Variants in SCUBE2 observed in about 807,000 individuals in gnomAD.
The protein encoded by SCUBE2 is signal peptide, CUB domain and EGF like domain containing 2, also known as signal peptide, CUB and EGF-like domain-containing protein 2.
In SCUBE2, 114 loss-of-function variants were observed where a neutral mutation model predicts 125.9. That is an observed-to-expected ratio of 0.91 (90% CI 0.78 to 1.06). SCUBE2 has a LOEUF of 1.06. SCUBE2 is among the 50% of genes least tolerant of loss of function. SCUBE2 has a pLI of 0.00. For missense variants in SCUBE2, 1,255 were observed against 1,301.8 expected, an observed-to-expected ratio of 0.96 and a Z score of 0.55; for synonymous variants, 459 against 492.9, an observed-to-expected ratio of 0.93 and a Z score of 0.91.
chr11:9,054,701 G>GTGTATATATATATATATATATA (rs1303442592), intron 10 of SCUBE2, among the ~76,000 whole-genome samples: 3 of 51,080 alleles, frequency 5.9e-5, no homozygotes, highest in East Asian at 1.4e-3. Flanking sequence ...AAGCACTAGT[G>GTGTATATATATATATATATATA]TATATATATA....
chr11:9,076,863 C>T (rs1015758285), intron 3 of SCUBE2, among the ~76,000 whole-genome samples: 3 of 152,174 alleles, frequency 2.0e-5, no homozygotes, highest in Admixed American at 2.0e-4. Flanking sequence ...GTGAAGGAAG[C>T]ACATTCCAGA....
At chr11:9,053,347 C>A (rs1858632629) in intron 11 of SCUBE2, 132 bp from the exon 12 acceptor site, 1 of 793,434 alleles carries the variant, frequency 1.3e-6, no homozygotes, top group Non-Finnish European at 2.0e-6. Flanking sequence ...AACATAGATG[C>A]TAGGCCTTAT....
chr11:9,044,138 T>C (rs886759223), intron 16 of SCUBE2, among the ~76,000 whole-genome samples: 3 of 152,234 alleles, frequency 2.0e-5, no homozygotes, highest in Admixed American at 2.0e-4. Flanking sequence ...TTCAAACAAA[T>C]ACAGCCTGGG....
At chr11:9,022,670 G>C (rs867909082) in intron 21 of SCUBE2, 1 of 152,450 alleles carries the variant, frequency 6.6e-6, no homozygotes, top group Admixed American at 6.6e-5. Context: ...TCTTCACTGA[G>C]CTTCCAGGAC....
chr11:9,091,599 C>T lies in SCUBE2; in HGVS notation c.-71G>A, dbSNP rs7126036. On this transcript the variant is annotated 5_prime_UTR_variant, in exon 1 of 23. Coordinates refer to ENST00000649792, the MANE Select transcript of SCUBE2 (RefSeq NM_001367977.2). The surrounding 1 kb of genome is among the most constrained non-coding windows in gnomAD (Gnocchi z 8.5). ...GGCGGCGGCGGCGCGGGGAGGTGTG[C>T]GCGGACGCCCTGCCCGCTGCCGCTG... is the stretch of plus-strand genomic sequence containing the variant. The T allele has an allele frequency of 0.52, 143,077 of 273,780 alleles. 39,250 individuals are homozygous for T. The highest frequency in any genetic ancestry group is 0.75 in the African/African-American group (33,152 of 43,976). 17.0% of individuals were successfully genotyped at this position (273,780 alleles called of 1,614,324 possible). A position where few individuals can be genotyped will look rare whatever the true frequency, so the allele number is the denominator to read the frequency against.
At chr11:9,072,508 C>T (rs1317205686) in intron 4 of SCUBE2, among the ~76,000 whole-genome samples, 1 of 152,182 alleles carries the variant, frequency 6.6e-6, no homozygotes, top group Admixed American at 6.5e-5. Context: ...ACGTCTGGCA[C>T]CACTGTGGGT....
Position 9,059,407 on chromosome 11 carries a change from G to A in SCUBE2, c.986C>T (p.Thr329Ile). The A allele has an allele frequency of 1.9e-6, 3 of 1,614,124 alleles. No homozygotes were observed. Among genetic ancestry groups the A allele is most frequent in the Non-Finnish European group, 2.5e-6 (3 of 1,180,010 alleles). Reference protein sequence around the residue: ...KTCKDIDECQTRNGGCDHFCK... With the variant: ...KTCKDIDECQIRNGGCDHFCK... ...GAAATGATCACAACCTCCATTGCGG[G>A]TCTGGCACTCATCAATATCTGCAAC... is the stretch of plus-strand genomic sequence containing the variant. Residue 329 changes from threonine (T) to isoleucine (I), a missense_variant, in exon 9 of 23, where the codon ACC (threonine) becomes ATC (isoleucine). Around this residue, in one of 3 missense-constraint regions of SCUBE2, gnomAD observed 378 missense variants for 463.1 expected, o/e 0.82. Transcript: ENST00000649792.
intron 7 of SCUBE2, chr11:9,064,764 T>C (rs1860042502): frequency 6.6e-6 from 1 of 152,224 alleles, no homozygotes; most frequent in Non-Finnish European, 1.5e-5. Flanking sequence ...GTTACCTGCT[T>C]GGTAACCAAT....
Position 9,059,442 on chromosome 11 carries a change from T to G in SCUBE2, c.968-17A>C. 1 of 1,612,648 alleles carries G rather than the reference T, an allele frequency of 6.2e-7. No individual in the cohort carries two copies. Among genetic ancestry groups the G allele is most frequent in the Non-Finnish European group, 8.5e-7 (1 of 1,178,866 alleles). ...CATCAATATCTGCAACAGGAAAGCATTGGGCATATCAGAGAGCAATACTTG... is the reference window on the plus strand; with the variant it reads ...CATCAATATCTGCAACAGGAAAGCAGTGGGCATATCAGAGAGCAATACTTG... On this transcript the variant is annotated splice_polypyrimidine_tract_variant and intron_variant, in intron 8 of 22. Transcript: ENST00000649792.
intron 19 of SCUBE2, among the ~76,000 whole-genome samples, chr11:9,027,936 C>T (rs77588529): frequency 1.3e-5 from 2 of 152,188 alleles, no homozygotes; most frequent in Non-Finnish European, 2.9e-5. Flanking sequence ...GAACAGAGCT[C>T]ATTGCTCTGC....
chr11:9,030,220 G>A (rs1425210496), intron 18 of SCUBE2, 175 bp from the exon 19 acceptor site: 4 of 660,702 alleles, frequency 6.1e-6, no homozygotes, highest in Non-Finnish European at 1.0e-5. Context: ...GTGTGGATGG[G>A]GCTCATGAAA....
chr11:9,051,225 T>TACCTAC lies in SCUBE2; in HGVS notation c.1535-516_1535-515insGTAGGT, dbSNP rs1555245378. On this transcript the variant is annotated intron_variant, in intron 13 of 22. Coordinates refer to ENST00000649792, the MANE Select transcript of SCUBE2 (RefSeq NM_001367977.2). ...ATCTATCTATCTATCTATCTATCTA[T>TACCTAC]CTACCTACCTACCTATCTATCTATC... 5.5e-3 allele frequency among the ~76,000 whole-genome samples: 724 copies of TACCTAC among 132,382 alleles called. 5 individuals carry two copies. Among genetic ancestry groups the TACCTAC allele is most frequent in the Non-Finnish European group, 8.4e-3 (507 of 60,516 alleles). The allele number at this position is 132,382 out of a possible 152,430, so 86.8% of individuals were successfully genotyped here. A position where few individuals can be genotyped will look rare whatever the true frequency, so the allele number is the denominator to read the frequency against.
chr11:9,053,051 G>A (rs377507961), intron 12 of SCUBE2, 48 bp downstream of exon 12: 5 of 1,477,122 alleles, frequency 3.4e-6, no homozygotes, highest in Non-Finnish European at 4.7e-6. Context: ...GGCCAGAGAG[G>A]CCTGGCCCCA....
chr11:9,048,732 C>A (rs1159188988), intron 14 of SCUBE2, among the ~76,000 whole-genome samples: 1 of 152,200 alleles, frequency 6.6e-6, no homozygotes, highest in Non-Finnish European at 1.5e-5. Flanking sequence ...TTCTTCCTGA[C>A]TTGGCTGTCT....
At chr11:9,053,028 T>A (rs1858582085) in intron 12 of SCUBE2, 71 bp downstream of exon 12, 20 of 1,371,116 alleles carry the variant, frequency 1.5e-5, no homozygotes, top group Non-Finnish European at 2.0e-5. Flanking sequence ...TTTGAGGGAA[T>A]CTAACACCTG....
chr11:9,058,349 G>A (rs1859309433), intron 9 of SCUBE2, among the ~76,000 whole-genome samples: 1 of 152,072 alleles, frequency 6.6e-6, no homozygotes, highest in South Asian at 2.1e-4. Context: ...TGTAATCTCA[G>A]CACTTTGGGA....
chr11:9,050,367 C>A (rs1458649262), intron 14 of SCUBE2: 3 of 456,318 alleles, frequency 6.6e-6, no homozygotes, highest in African/African-American at 5.9e-5. Context: ...CAGAGCCTCA[C>A]CAACTATACC....
At chr11:9,058,595 C>CAAAAA (rs61409328) in intron 9 of SCUBE2, among the ~76,000 whole-genome samples, 16 of 44,314 alleles carry the variant, frequency 3.6e-4, no homozygotes, top group African/African-American at 7.7e-4. Context: ...GACTCTGTCT[C>CAAAAA]AAAAAAAAAA....
chr11:9,053,746 G>A lies in SCUBE2; in HGVS notation c.1221C>T (p.Cys407=). The A allele has an allele frequency of 6.2e-7, 1 of 1,613,694 alleles. No homozygotes were observed. The highest frequency in any genetic ancestry group is 8.5e-7 in the Non-Finnish European group (1 of 1,179,720). Residue 407 remains cysteine, a synonymous_variant, in exon 11 of 23, where the codon TGC becomes TGT. Transcript: ENST00000649792. ...GCTGACAGCCTCCGTTGTTGATGCT[G>A]CACTCATTGGTGTCTGTGGAACAAA... is the stretch of plus-strand genomic sequence containing the variant. ...GFTHCGDTNE[C]SINNGGCQQV... is the part of the protein sequence containing the mutation.
Sources: gnomAD v4.1 joint callset for allele counts (sites outside exome capture counted in the v4.1 genomes callset) on GRCh38, gnomAD v4.1.1 for gene constraint, gnomAD v4.1.1 regional missense constraint, Gnocchi (gnomAD v3.1) non-coding constraint, MANE v1.5 for transcripts, NCBI Gene and HGNC (gene_info 2026-07-23, HGNC 2026-07-21) for gene names.